DENND1A: variants seen among roughly 807,000 people sequenced by gnomAD.
DENND1A encodes the protein DENN domain-containing protein 1A.
In DENND1A, 51 loss-of-function variants were observed where a neutral mutation model predicts 113.7. The ratio of observed to expected loss-of-function variants is 0.45; its 90% CI spans 0.36 to 0.57. The LOEUF (loss-of-function observed/expected upper bound fraction) is 0.57, where lower values mean the gene tolerates loss of function less well. Ranked by LOEUF, DENND1A falls within the 20% of genes least tolerant of loss-of-function variation. The pLI is 0.00. For missense variants in DENND1A, 1,258 were observed against 1,395.9 expected (o/e 0.90, Z 1.57); for synonymous variants, 565 against 570.8 (o/e 0.99, Z 0.14).
At chr9:123,914,762 A>G (rs1388654432) in intron 1 of DENND1A, among the ~76,000 whole-genome samples, 2 of 151,864 alleles carry the variant, frequency 1.3e-5, no homozygotes, top group East Asian at 3.9e-4. Flanking sequence ...TCTTTTAAAC[A>G]ACCAGATCAT....
Position 123,425,389 on chromosome 9 carries a change from G to A in DENND1A, c.1489-13560C>T, listed in dbSNP as rs73573385. On this transcript the variant is annotated intron_variant, in intron 19 of 23. Transcript: ENST00000394215. ...AAGCCCCGCTGTCACACCGCTGAAG[G>A]TGGAGCCTTGGGGGACTCAGGATCC... 9.4e-3 allele frequency among the ~76,000 whole-genome samples: 1,427 copies of A among 152,382 alleles called. 26 individuals carry two copies. The highest frequency in any genetic ancestry group is 0.033 in the African/African-American group (1,366 of 41,590).
chr9:123,679,123 A>T (rs1233376147), intron 5 of DENND1A, among the ~76,000 whole-genome samples: 1 of 152,234 alleles, frequency 6.6e-6, no homozygotes, highest in African/African-American at 2.4e-5. Context: ...GGGAAGTAGA[A>T]TCTTGCAAGA....
chr9:123,538,809 C>CATATATATATATAT (rs35223887), intron 13 of DENND1A, among the ~76,000 whole-genome samples: 2 of 22,466 alleles, frequency 8.9e-5, no homozygotes, highest in Non-Finnish European at 8.1e-5. Context: ...ACAACTCATA[C>CATATATATATATAT]ATATATATAT....
chr9:123,548,443 G>A (rs984929939), intron 13 of DENND1A, among the ~76,000 whole-genome samples: 7 of 152,076 alleles, frequency 4.6e-5, no homozygotes, highest in African/African-American at 7.2e-5. Context: ...GTCCATATTC[G>A]TGCTTCCCAC....
intron 2 of DENND1A, among the ~76,000 whole-genome samples, chr9:123,795,796 T>A (rs983091241): frequency 6.6e-6 from 1 of 152,188 alleles, no homozygotes; most frequent in Non-Finnish European, 1.5e-5. Context: ...CATCATCAAA[T>A]GCAGTGTTAT....
At chr9:123,672,362 G>A (rs1247941880) in intron 6 of DENND1A, among the ~76,000 whole-genome samples, 4 of 152,014 alleles carry the variant, frequency 2.6e-5, no homozygotes, top group South Asian at 4.1e-4. Flanking sequence ...GTTTGGTTTT[G>A]CTCTGAAACA....
intron 11 of DENND1A, among the ~76,000 whole-genome samples, chr9:123,609,130 T>C (rs1481901940): frequency 6.6e-6 from 1 of 152,190 alleles, no homozygotes; most frequent in Non-Finnish European, 1.5e-5. Flanking sequence ...AGAACAAACA[T>C]TTTGAAAAGC....
At chr9:123,527,014 C>T (rs923651182) in intron 13 of DENND1A, among the ~76,000 whole-genome samples, 1 of 152,196 alleles carries the variant, frequency 6.6e-6, no homozygotes, top group Admixed American at 6.5e-5. Flanking sequence ...CATCTTCCCT[C>T]CCAAACTGGT....
intron 15 of DENND1A, among the ~76,000 whole-genome samples, chr9:123,455,920 G>A (rs957380315): frequency 8.5e-5 from 13 of 152,136 alleles, no homozygotes; most frequent in African/African-American, 1.9e-4. Context: ...AGCGAAATGC[G>A]TTTCTACTCC....
chr9:123,719,771 A>G (rs2067218722), intron 5 of DENND1A, among the ~76,000 whole-genome samples: 2 of 152,170 alleles, frequency 1.3e-5, no homozygotes, highest in African/African-American at 2.4e-5. Context: ...CTTCTATAGA[A>G]TATTTTTTAA....
intron 13 of DENND1A, among the ~76,000 whole-genome samples, chr9:123,488,263 C>A (rs374418304): frequency 1.5e-4 from 23 of 152,206 alleles, no homozygotes; most frequent in African/African-American, 5.5e-4. Context: ...CAGCTGCCTC[C>A]GAGCCTCCCT....
chr9:123,867,397 G>C (rs1476305665), intron 2 of DENND1A, among the ~76,000 whole-genome samples: 3 of 152,118 alleles, frequency 2.0e-5, no homozygotes, highest in African/African-American at 7.2e-5. Context: ...GTGATAATAA[G>C]ACCTCGGGCA....
At chr9:123,788,255 C>T (rs1411857697) in intron 3 of DENND1A, among the ~76,000 whole-genome samples, 1 of 152,086 alleles carries the variant, frequency 6.6e-6, no homozygotes, top group Non-Finnish European at 1.5e-5. Context: ...TGACACATTA[C>T]AAGACTATTT....
chr9:123,607,547 A>AGT (rs555605927), intron 11 of DENND1A, among the ~76,000 whole-genome samples: 936 of 67,954 alleles, frequency 0.014, 11 homozygotes, highest in Admixed American at 0.021. Flanking sequence ...AGAGAGAGAG[A>AGT]GTGTGTGTGT....
At chr9:123,630,694 G>T (rs1182214718) in intron 9 of DENND1A, among the ~76,000 whole-genome samples, 1 of 151,988 alleles carries the variant, frequency 6.6e-6, no homozygotes, top group African/African-American at 2.4e-5. Flanking sequence ...GCTAATATAC[G>T]AAATAGAAAA....
At chr9:123,619,995 T>C (rs2060858652) in intron 10 of DENND1A, among the ~76,000 whole-genome samples, 1 of 151,652 alleles carries the variant, frequency 6.6e-6, no homozygotes, top group African/African-American at 2.4e-5. Context: ...GGCGGATCAT[T>C]TGAGGTCAGG....
intron 13 of DENND1A, among the ~76,000 whole-genome samples, chr9:123,536,326 C>T (rs780252438): frequency 6.6e-6 from 1 of 151,936 alleles, no homozygotes; most frequent in Non-Finnish European, 1.5e-5. Flanking sequence ...AAAAATTAGC[C>T]GGGCGTGGTG....
chr9:123,452,222 A>G (rs1356547722), intron 17 of DENND1A, 54 bp downstream of exon 17: 1 of 1,497,724 alleles, frequency 6.7e-7, no homozygotes, highest in Non-Finnish European at 9.3e-7. Flanking sequence ...AAAGAGTCTC[A>G]TCATGCTAAG....
chr9:123,611,143 C>T (rs1455774147), intron 10 of DENND1A, among the ~76,000 whole-genome samples: 1 of 152,214 alleles, frequency 6.6e-6, no homozygotes, highest in Non-Finnish European at 1.5e-5. Context: ...GAACTATACA[C>T]ACAATTGCAG....
Sources: allele counts gnomAD v4.1 joint callset (sites outside exome capture counted in the v4.1 genomes callset), GRCh38; gene constraint gnomAD v4.1.1; transcripts MANE v1.5; gene names NCBI Gene and HGNC (gene_info 2026-07-23, HGNC 2026-07-21).